Variants in GSE1 observed in about 807,000 individuals in gnomAD.
GSE1 encodes Gse1 coiled-coil protein.
GSE1 carries 32 observed loss-of-function variants against 112.6 expected under a neutral mutation model. The observed-to-expected ratio is 0.28, with a 90% CI of 0.21 to 0.38. The LOEUF is 0.38. Among genes scored for constraint, GSE1 ranks in the 10% least tolerant of loss-of-function variants. The probability of loss-of-function intolerance (pLI) is 1.00; values close to 1 mark genes in which losing one functional copy is unlikely to be tolerated. For synonymous variants in GSE1, 1,115 were observed against 735.6 expected (o/e 1.52, Z -8.35); for missense variants, 2,348 against 1,699.2 (o/e 1.38, Z -6.71).
At chr16:85,277,832 AC>A (rs1909520598) in intron 1 of GSE1, among the ~76,000 whole-genome samples, 2 of 152,142 alleles carry the variant, frequency 1.3e-5, no homozygotes, top group Non-Finnish European at 2.9e-5. Flanking sequence ...CCTGTGGCAG[AC>A]CCCAGGCCGG....
At chr16:85,206,169 A>G (rs2075111860) in intron 1 of GSE1, among the ~76,000 whole-genome samples, 1 of 133,670 alleles carries the variant, frequency 7.5e-6, no homozygotes, top group Non-Finnish European at 1.6e-5. Context: ...GGGCACGGGA[A>G]GGGGGGAGGG....
Position 85,383,513 on chromosome 16 carries a change from A to ACACG in GSE1, c.2464+25874_2464+25877dup, listed in dbSNP as rs768100860. Reference sequence around the variant, plus strand: ...GAGCTCCCAGCACACACACACACACACACGCACACCTGCGTCTCTCTCTCT... The same window carrying ACACG: ...GAGCTCCCAGCACACACACACACACACACGCACGCACACCTGCGTCTCTCTCTCT... On this transcript the variant is annotated intron_variant, in intron 2 of 2. Coordinates refer to the GSE1 transcript ENST00000637419. Among the ~76,000 whole-genome samples, 697 of 151,068 alleles carry ACACG rather than the reference A, an allele frequency of 4.6e-3. 5 individuals are homozygous for ACACG. Among genetic ancestry groups the ACACG allele is most frequent in the Middle Eastern group, 0.024 (7 of 294 alleles).
At chr16:85,450,600 T>C (rs901037568) in intron 2 of GSE1, among the ~76,000 whole-genome samples, 2 of 151,606 alleles carry the variant, frequency 1.3e-5, no homozygotes, top group Non-Finnish European at 2.9e-5. Flanking sequence ...AGGCGCCCGC[T>C]ACCATGCCCA....
chr16:85,620,365 C>T (rs56972499), intron 1 of GSE1, among the ~76,000 whole-genome samples: 19 of 152,356 alleles, frequency 1.2e-4, no homozygotes, highest in African/African-American at 2.6e-4. Flanking sequence ...ACTGAATTCC[C>T]AGTGTACATT....
intron 2 of GSE1, among the ~76,000 whole-genome samples, chr16:85,382,949 GCA>G (rs1488715443): frequency 2.0e-5 from 3 of 148,912 alleles, no homozygotes; most frequent in African/African-American, 5.0e-5. Context: ...ACGTACACAT[GCA>G]CACACGTGCA....
intron 12 of GSE1, 84 bp from the exon 13 acceptor site, chr16:85,665,892 C>T (rs1304349678): frequency 8.3e-6 from 11 of 1,329,846 alleles, no homozygotes; most frequent in Non-Finnish European, 1.2e-5. Context: ...TAAGTGTAAG[C>T]TCTAGAGACC....
intron 2 of GSE1, among the ~76,000 whole-genome samples, chr16:85,438,070 G>T (rs1239921952): frequency 3.3e-5 from 5 of 152,158 alleles, no homozygotes; most frequent in Non-Finnish European, 7.4e-5. Flanking sequence ...CGGGAGAGGG[G>T]TTCTGTTCTC....
intron 2 of GSE1, among the ~76,000 whole-genome samples, chr16:85,516,049 AG>A (rs1447972148): frequency 2.6e-5 from 4 of 152,152 alleles, no homozygotes; most frequent in Admixed American, 2.6e-4. Flanking sequence ...CTGGGAAAGG[AG>A]GCCTGGGGGT....
upstream of GSE1, among the ~76,000 whole-genome samples, chr16:85,554,248 G>C (rs1347310957): frequency 6.6e-6 from 1 of 152,186 alleles, no homozygotes. Context: ...TTTGGCGGCA[G>C]GGTTTTTTCC....
intron 1 of GSE1, among the ~76,000 whole-genome samples, chr16:85,618,852 G>A (rs2048544143): frequency 6.6e-6 from 1 of 152,236 alleles, no homozygotes; most frequent in African/African-American, 2.4e-5. Flanking sequence ...TGTGGAGACA[G>A]GGTCTCTCAC....
chr16:85,472,502 C>T (rs555138389), intron 2 of GSE1, among the ~76,000 whole-genome samples: 1 of 152,240 alleles, frequency 6.6e-6, no homozygotes, highest in African/African-American at 2.4e-5. Context: ...TAGGACCCAC[C>T]TTATTCCCGT....
chr16:85,618,097 A>C (rs1265460965), intron 1 of GSE1, among the ~76,000 whole-genome samples: 1 of 152,068 alleles, frequency 6.6e-6, no homozygotes, highest in Non-Finnish European at 1.5e-5. Context: ...GTTCACCTGC[A>C]TCTCTAGCCA....
intron 2 of GSE1, among the ~76,000 whole-genome samples, chr16:85,420,123 A>G (rs2048800137): frequency 6.6e-6 from 1 of 151,934 alleles, no homozygotes; most frequent in Non-Finnish European, 1.5e-5. Context: ...GTGGTGGCTC[A>G]TGCCTATAAT....
chr16:85,588,755 T>G (rs889340243), intron 1 of GSE1, among the ~76,000 whole-genome samples: 3 of 152,108 alleles, frequency 2.0e-5, no homozygotes. Context: ...AGCACTTTCC[T>G]GGAGGGAGGG....
chr16:85,609,994 G>A (rs540291991), upstream of GSE1, among the ~76,000 whole-genome samples: 9 of 152,320 alleles, frequency 5.9e-5, no homozygotes, highest in East Asian at 5.8e-4. Flanking sequence ...TTGTGGTGCA[G>A]GTCTAATAGG....
chr16:85,274,949 A>G (rs775179779), intron 1 of GSE1, among the ~76,000 whole-genome samples: 2 of 152,220 alleles, frequency 1.3e-5, no homozygotes, highest in African/African-American at 2.4e-5. Flanking sequence ...GAGTGAGACC[A>G]GGCATTTTCT....
chr16:85,538,953 A>G (rs2044425777), intron 2 of GSE1, among the ~76,000 whole-genome samples: 1 of 152,034 alleles, frequency 6.6e-6, no homozygotes, highest in East Asian at 1.9e-4. Context: ...GTTCACCAGG[A>G]GTGGGTCTGC....
At chr16:85,443,863 C>A (rs915824677) in intron 2 of GSE1, among the ~76,000 whole-genome samples, 3 of 152,220 alleles carry the variant, frequency 2.0e-5, no homozygotes, top group Non-Finnish European at 4.4e-5. Flanking sequence ...GATGAGATCG[C>A]GCCCACTCTC....
At chr16:85,443,193 C>G (rs1043640161) in intron 2 of GSE1, among the ~76,000 whole-genome samples, 2 of 152,212 alleles carry the variant, frequency 1.3e-5, no homozygotes, top group African/African-American at 4.8e-5. Flanking sequence ...GTGCAGCCCC[C>G]ATTTCCTCCC....
Sources: gnomAD v4.1 joint callset for allele counts (sites outside exome capture counted in the v4.1 genomes callset) on GRCh38, gnomAD v4.1.1 for gene constraint, MANE v1.5 for transcripts, NCBI Gene and HGNC (gene_info 2026-07-23, HGNC 2026-07-21) for gene names.